The following TENM3 variants were observed in gnomAD, a reference collection of about 807,000 sequenced individuals.
TENM3 encodes teneurin-3.
TENM3 carries 63 observed loss-of-function variants against 255.1 expected under a neutral mutation model. The ratio of observed to expected loss-of-function variants is 0.25; its 90% CI spans 0.20 to 0.30. The LOEUF (loss-of-function observed/expected upper bound fraction) is 0.30, where lower values mean the gene tolerates loss of function less well. TENM3 is among the 10% of genes least tolerant of loss of function. TENM3 has a pLI of 1.00. For missense variants in TENM3, 2,929 were observed against 3,461.1 expected (o/e 0.85, Z 3.86); for synonymous variants, 1,306 against 1,322.3 (o/e 0.99, Z 0.27).
Position 182,754,752 on chromosome 4 carries a change from G to T in TENM3, c.4385G>T (p.Gly1462Val), listed in dbSNP as rs1301125519. The change falls in exon 22 of 28, where the codon GGA becomes GTA. Residue 1462 changes from glycine (G) to valine (V), a missense_variant. By Grantham distance (109) the Gly-to-Val change is moderately radical. Coordinates refer to ENST00000511685, the MANE Select transcript of TENM3 (RefSeq NM_001080477.4). The surrounding 1 kb of genome is among the most constrained non-coding windows in gnomAD (Gnocchi z 5.1). The part of the protein sequence containing the change: ...NDANCDCYQS[G>V]DGYAKDAKLS... ...GCCAACTGTGACTGTTACCAGAGTG[G>T]AGATGGCTACGCCAAGGATGCCAAA... 6.2e-7 allele frequency: 1 copy of T among 1,614,072 alleles called. No homozygotes were observed. The highest frequency in any genetic ancestry group is 1.7e-5 in the Admixed American group (1 of 60,034).
At chr4:182,729,499 A>G (rs1760504723) in intron 14 of TENM3, among the ~76,000 whole-genome samples, 1 of 152,206 alleles carries the variant, frequency 6.6e-6, no homozygotes, top group Non-Finnish European at 1.5e-5. Context: ...AAAAGGCAGA[A>G]CAGAAGTGCA....
At chr4:181,670,272 G>A in the TENM3 span, among the ~76,000 whole-genome samples, 1 of 152,124 alleles carries the variant, frequency 6.6e-6, no homozygotes, top group Non-Finnish European at 1.5e-5. Flanking sequence ...AGGTAAAAGG[G>A]TCCGTCCCTT....
chr4:182,683,820 G>A (rs771833845), intron 11 of TENM3, among the ~76,000 whole-genome samples: 8 of 152,110 alleles, frequency 5.3e-5, no homozygotes, highest in African/African-American at 9.6e-5. Context: ...TCCCACAAGC[G>A]TGAGGTGATG....
chr4:181,664,575 G>A, the TENM3 span, among the ~76,000 whole-genome samples: 71 of 152,260 alleles, frequency 4.7e-4, no homozygotes, highest in African/African-American at 1.6e-3. Flanking sequence ...ATAACCCGAC[G>A]TGTTATTAGC....
chr4:182,235,622 C>A (rs939618083), intron 1 of TENM3, among the ~76,000 whole-genome samples: 1 of 151,882 alleles, frequency 6.6e-6, no homozygotes, highest in East Asian at 1.9e-4. Context: ...CACATACACA[C>A]GGGAGCCATC....
At chr4:181,523,511 A>G in the TENM3 span, among the ~76,000 whole-genome samples, 1 of 152,020 alleles carries the variant, frequency 6.6e-6, no homozygotes, top group African/African-American at 2.4e-5. Flanking sequence ...AGAAATAAAA[A>G]CTCAGCCCTC....
the TENM3 span, among the ~76,000 whole-genome samples, chr4:182,092,198 A>G: frequency 6.6e-6 from 1 of 152,070 alleles, no homozygotes; most frequent in Non-Finnish European, 1.5e-5. Context: ...AAAATTAGCC[A>G]GGCATGGTGG....
chr4:182,768,292 T>A (rs17074039), intron 22 of TENM3, among the ~76,000 whole-genome samples: 1 of 152,258 alleles, frequency 6.6e-6, no homozygotes, highest in South Asian at 2.1e-4. Context: ...CGATAAATAC[T>A]CCTGTTGTCA....
At chr4:181,639,303 C>A in the TENM3 span, among the ~76,000 whole-genome samples, 2 of 152,142 alleles carry the variant, frequency 1.3e-5, no homozygotes, top group Admixed American at 1.3e-4. Context: ...CTGATTATTT[C>A]TTTTGTATGA....
At chr4:181,950,344 C>T in the TENM3 span, among the ~76,000 whole-genome samples, 10 of 152,110 alleles carry the variant, frequency 6.6e-5, no homozygotes, top group East Asian at 1.9e-4. Context: ...AGCCCGCCTG[C>T]GCCCAGGTGA....
At chr4:181,641,509 G>T in the TENM3 span, among the ~76,000 whole-genome samples, 2 of 122,532 alleles carry the variant, frequency 1.6e-5, no homozygotes, top group Admixed American at 9.7e-5. Context: ...CAAAGGAAAT[G>T]AACTCATCCT....
chr4:182,014,750 T>C, the TENM3 span, among the ~76,000 whole-genome samples: 8 of 152,058 alleles, frequency 5.3e-5, no homozygotes, highest in African/African-American at 1.9e-4. Context: ...AGGAAGCTGG[T>C]CCTAATGAGG....
chr4:182,552,187 G>A, intron 3 of TENM3, among the ~76,000 whole-genome samples: 1 of 151,986 alleles, frequency 6.6e-6, no homozygotes, highest in Non-Finnish European at 1.5e-5. Context: ...CCTCATTCTT[G>A]TAATCCCAGC....
intron 1 of TENM3, among the ~76,000 whole-genome samples, chr4:182,159,348 C>A (rs1459628744): frequency 1.3e-5 from 2 of 152,166 alleles, no homozygotes. Flanking sequence ...AGATGTTAAA[C>A]ATACCCTCTT....
intron 3 of TENM3, among the ~76,000 whole-genome samples, chr4:182,599,102 G>A (rs987171858): frequency 1.3e-5 from 2 of 152,052 alleles, no homozygotes; most frequent in African/African-American, 4.8e-5. Context: ...CATAACTATA[G>A]CTTGTTTAGT....
chr4:182,100,578 CATATATAT>C, the TENM3 span, among the ~76,000 whole-genome samples: 1 of 114,748 alleles, frequency 8.7e-6, no homozygotes. Flanking sequence ...TATATATACA[CATATATAT>C]ACACATATAT....
chr4:181,665,299 T>C, the TENM3 span, among the ~76,000 whole-genome samples: 3 of 152,178 alleles, frequency 2.0e-5, no homozygotes, highest in African/African-American at 7.2e-5. Flanking sequence ...ACTGAAGTAG[T>C]ATATAAGCTG....
intron 3 of TENM3, among the ~76,000 whole-genome samples, chr4:182,443,156 T>C (rs1772641541): frequency 6.6e-6 from 1 of 152,180 alleles, no homozygotes; most frequent in African/African-American, 2.4e-5. Context: ...CATTTCTTTA[T>C]CTTGGACTGC....
At chr4:182,748,866 A>C (rs1031281997) in intron 19 of TENM3, among the ~76,000 whole-genome samples, 6 of 152,194 alleles carry the variant, frequency 3.9e-5, no homozygotes, top group Non-Finnish European at 8.8e-5. Flanking sequence ...GCTTTCATTT[A>C]TCAGACATTT....
Sources: allele counts gnomAD v4.1 joint callset (sites outside exome capture counted in the v4.1 genomes callset), GRCh38; gene constraint gnomAD v4.1.1; non-coding constraint Gnocchi (gnomAD v3.1); transcripts MANE v1.5; gene names NCBI Gene and HGNC (gene_info 2026-07-23, HGNC 2026-07-21).